Variants in PPFIBP1 observed in about 807,000 individuals in gnomAD.
PPFIBP1 encodes liprin-beta-1.
In PPFIBP1, 112 loss-of-function variants were observed where a neutral mutation model predicts 137.8. The ratio of observed to expected loss-of-function variants is 0.81; its 90% CI spans 0.70 to 0.95. The LOEUF is 0.95. Among genes scored for constraint, PPFIBP1 ranks in the 40% least tolerant of loss-of-function variants. The probability of loss-of-function intolerance (pLI) is 0.00; values close to 1 mark genes in which losing one functional copy is unlikely to be tolerated. For synonymous variants in PPFIBP1, 378 were observed against 417.3 expected, an observed-to-expected ratio of 0.91 and a Z score of 1.15; for missense variants, 1,083 against 1,196.6, an observed-to-expected ratio of 0.91 and a Z score of 1.40.
At chr12:27,543,357 T>G (rs1280124862) in intron 1 of PPFIBP1, among the ~76,000 whole-genome samples, 1 of 152,192 alleles carries the variant, frequency 6.6e-6, no homozygotes, top group African/African-American at 2.4e-5. Context: ...GACCTTCTTA[T>G]TTTTTTATCC....
chr12:27,682,247 T>C (rs1038208821), intron 22 of PPFIBP1, 140 bp from the exon 23 acceptor site: 2 of 674,736 alleles, frequency 3.0e-6, no homozygotes, highest in Non-Finnish European at 5.2e-6. Flanking sequence ...CAACAACACT[T>C]TACTAGCCCA....
intron 1 of PPFIBP1, among the ~76,000 whole-genome samples, chr12:27,574,005 A>G (rs1490794280): frequency 6.6e-6 from 1 of 151,844 alleles, no homozygotes; most frequent in Non-Finnish European, 1.5e-5. Flanking sequence ...AAAAAGCCCA[A>G]AACAACAAAA....
chr12:27,594,126 G>C, intron 2 of PPFIBP1: 1 of 702,384 alleles, frequency 1.4e-6, no homozygotes, highest in East Asian at 3.5e-5. Context: ...GGACCGGGGA[G>C]AAGAGAATCA....
At chr12:27,654,665 G>A in intron 7 of PPFIBP1, 57 bp from the exon 8 acceptor site, 1 of 1,575,632 alleles carries the variant, frequency 6.3e-7, no homozygotes, top group South Asian at 1.2e-5. Context: ...TATTTTATAG[G>A]TATAGGTAAC....
chr12:27,595,152 C>A (rs535060595), intron 2 of PPFIBP1, among the ~76,000 whole-genome samples: 48 of 152,254 alleles, frequency 3.2e-4, no homozygotes, highest in Non-Finnish European at 6.6e-4. Flanking sequence ...AGATGCCCAT[C>A]CTCCCATCAT....
chr12:27,614,376 CTG>C (rs2055510825), intron 2 of PPFIBP1, among the ~76,000 whole-genome samples: 1 of 152,078 alleles, frequency 6.6e-6, no homozygotes, highest in Admixed American at 6.5e-5. Context: ...GAGCAAGACT[CTG>C]TATTTAAAAA....
chr12:27,581,979 TAC>T lies in PPFIBP1; in HGVS notation c.-36+3741_-36+3742del, dbSNP rs1461996365. 2.2e-3 allele frequency among the ~76,000 whole-genome samples: 326 copies of T among 148,526 alleles called. 1 individual carries two copies. The highest frequency in any genetic ancestry group is 7.6e-3 in the African/African-American group (315 of 41,214). On this transcript the variant is annotated intron_variant, in intron 2 of 29. Transcript: ENST00000228425. Reference sequence around the variant, plus strand: ...AGCAGATGCTTTGCGTGTGTGTGTGTACGTATGTGTGTGTGTGTGTATGGAGT... The same window carrying T: ...AGCAGATGCTTTGCGTGTGTGTGTGTGTATGTGTGTGTGTGTGTATGGAGT...
chr12:27,676,664 C>T, intron 18 of PPFIBP1, 65 bp downstream of exon 18: 1 of 1,320,092 alleles, frequency 7.6e-7, no homozygotes, highest in Non-Finnish European at 1.0e-6. Flanking sequence ...AGTGTCTTCC[C>T]TTCCCTTACT....
chr12:27,536,278 T>C (rs1944994387), intron 1 of PPFIBP1, among the ~76,000 whole-genome samples: 1 of 152,194 alleles, frequency 6.6e-6, no homozygotes, highest in Non-Finnish European at 1.5e-5. Context: ...TTACGTCGTA[T>C]GTTAGGCTGT....
intron 1 of PPFIBP1, among the ~76,000 whole-genome samples, chr12:27,556,050 A>G (rs1034744694): frequency 6.6e-6 from 1 of 152,338 alleles, no homozygotes; most frequent in African/African-American, 2.4e-5. Flanking sequence ...TCCTGAATAC[A>G]TCTATTGCTT....
chr12:27,663,093 C>A (rs1240607961), intron 11 of PPFIBP1, among the ~76,000 whole-genome samples: 1 of 152,164 alleles, frequency 6.6e-6, no homozygotes, highest in Non-Finnish European at 1.5e-5. Flanking sequence ...AGGTTGGCCC[C>A]AGCTGGGAGG....
At chr12:27,604,068 C>G (rs1027218547) in intron 2 of PPFIBP1, among the ~76,000 whole-genome samples, 1 of 152,048 alleles carries the variant, frequency 6.6e-6, no homozygotes, top group Non-Finnish European at 1.5e-5. Flanking sequence ...TTCTAGTTCT[C>G]TAGGGGACTA....
At chr12:27,621,482 T>C (rs1015219989) in intron 2 of PPFIBP1, among the ~76,000 whole-genome samples, 6 of 152,248 alleles carry the variant, frequency 3.9e-5, no homozygotes, top group African/African-American at 1.4e-4. Context: ...TGTACAAATT[T>C]TCCATATGTC....
At chr12:27,641,335 C>G (rs2058091461) in intron 4 of PPFIBP1, among the ~76,000 whole-genome samples, 1 of 151,972 alleles carries the variant, frequency 6.6e-6, no homozygotes, top group African/African-American at 2.4e-5. Flanking sequence ...CAGGAAAGAA[C>G]AAAGCAAAAC....
At chr12:27,658,930 A>G in intron 10 of PPFIBP1, 82 bp downstream of exon 10, 1 of 1,380,274 alleles carries the variant, frequency 7.2e-7, no homozygotes, top group South Asian at 1.2e-5. Context: ...GTTTTAAAAC[A>G]TTTCTCTCAC....
At chr12:27,688,215 T>TGA (rs2061315180) in intron 25 of PPFIBP1, 83 bp from the exon 26 acceptor site, 40 of 1,433,538 alleles carry the variant, frequency 2.8e-5, no homozygotes, top group Non-Finnish European at 3.5e-5. Context: ...AGTGGGTTGT[T>TGA]GAGTAACTGT....
chr12:27,614,664 A>G (rs76920625), intron 2 of PPFIBP1, among the ~76,000 whole-genome samples: 2,640 of 152,294 alleles, frequency 0.017, 27 homozygotes, highest in Non-Finnish European at 0.027. Context: ...ATTCTCTGTC[A>G]GGTGCTATTT....
At chr12:27,674,814 T>TTA (rs2060409540) in intron 17 of PPFIBP1, among the ~76,000 whole-genome samples, 1 of 136,578 alleles carries the variant, frequency 7.3e-6, no homozygotes, top group South Asian at 2.4e-4. Context: ...TCCCCTGATT[T>TTA]TTTTTTTTTT....
Position 27,664,367 on chromosome 12 carries a change from G to C in PPFIBP1, c.912G>C (p.Arg304=), listed in dbSNP as rs778321797. ...SLMAANEEKD[R]KIEDLRQCLN... ...ACAATTTATTTTATTCCTAGGATCGGAAAATAGAAGATCTTCGACAGTGCC... is the reference window on the plus strand; with the variant it reads ...ACAATTTATTTTATTCCTAGGATCGCAAAATAGAAGATCTTCGACAGTGCC... The change falls in exon 12 of 30, where the codon CGG becomes CGC. Residue 304 remains arginine, a synonymous_variant. Transcript: ENST00000228425. 6.2e-7 allele frequency: 1 copy of C among 1,606,170 alleles called. No individual in the cohort carries two copies. Among genetic ancestry groups the C allele is most frequent in the African/African-American group, 1.3e-5 (1 of 74,676 alleles).
Sources: gnomAD v4.1 joint callset for allele counts (sites outside exome capture counted in the v4.1 genomes callset) on GRCh38, gnomAD v4.1.1 for gene constraint, MANE v1.5 for transcripts, NCBI Gene and HGNC (gene_info 2026-07-23, HGNC 2026-07-21) for gene names.